RALYL: variants seen among roughly 807,000 people sequenced by gnomAD.
RALYL encodes the protein RNA-binding Raly-like protein.
In RALYL, 29 loss-of-function variants were observed where a neutral mutation model predicts 35.1. The observed-to-expected ratio is 0.83, with a 90% CI of 0.61 to 1.13. The LOEUF (loss-of-function observed/expected upper bound fraction) is 1.13. RALYL is among the 50% of genes most tolerant of loss of function. The pLI is 0.00. For synonymous variants in RALYL, 120 were observed against 127.6 expected, an observed-to-expected ratio of 0.94 and a Z score of 0.40; for missense variants, 359 against 360.4, an observed-to-expected ratio of 1.00 and a Z score of 0.03.
chr8:84,500,424 C>G (rs912876361), intron 1 of RALYL, among the ~76,000 whole-genome samples: 1 of 152,182 alleles, frequency 6.6e-6, no homozygotes, highest in East Asian at 1.9e-4. Context: ...CTATTTAAGA[C>G]CTTACGCAGT....
At chr8:84,212,872 A>C (rs1819836620) in intron 1 of RALYL, among the ~76,000 whole-genome samples, 1 of 152,154 alleles carries the variant, frequency 6.6e-6, no homozygotes. Flanking sequence ...AATTTTTAAG[A>C]AGATTTAGAT....
intron 2 of RALYL, among the ~76,000 whole-genome samples, chr8:84,697,047 G>A (rs1839285979): frequency 6.6e-6 from 1 of 151,888 alleles, no homozygotes; most frequent in South Asian, 2.1e-4. Flanking sequence ...TAACTAAATA[G>A]GAACAGGAAA....
intron 2 of RALYL, among the ~76,000 whole-genome samples, chr8:84,562,589 A>G (rs552073587): frequency 9.9e-5 from 15 of 151,922 alleles, no homozygotes; most frequent in Non-Finnish European, 1.9e-4. Flanking sequence ...AATGGAACAG[A>G]TGGGCATCCA....
chr8:84,443,681 C>A (rs533083751), intron 1 of RALYL, among the ~76,000 whole-genome samples: 1 of 152,074 alleles, frequency 6.6e-6, no homozygotes, highest in Non-Finnish European at 1.5e-5. Context: ...AAGCAGCTGG[C>A]CTAATTCTAT....
chr8:84,873,522 A>G (rs1260117196), intron 7 of RALYL, 125 bp downstream of exon 7: 2 of 492,864 alleles, frequency 4.1e-6, no homozygotes, highest in Non-Finnish European at 3.6e-6. Context: ...ATGTGCCAAC[A>G]ATGTCTTTAA....
rs1847045837 is a variant in RALYL, at chr8:84,332,622, TTAA to T, written c.-24+148204_-24+148206del. ...CATTTATATTTTGTGAAGACCATTA[TTAA>T]TAATATTTCCCCTTTTTTATGTGTA... On this transcript the variant is annotated intron_variant, in intron 1 of 8. Transcript: ENST00000521268. 5.3e-5 allele frequency among the ~76,000 whole-genome samples: 8 copies of T among 152,254 alleles called. No homozygotes were observed. The South Asian group carries it at 1.7e-3, about 32-fold the overall frequency.
At chr8:84,909,573 A>T (rs1847152902) in intron 8 of RALYL, among the ~76,000 whole-genome samples, 1 of 152,120 alleles carries the variant, frequency 6.6e-6, no homozygotes, top group Non-Finnish European at 1.5e-5. Context: ...AATAGGAGAG[A>T]GTGTATGACA....
intron 2 of RALYL, among the ~76,000 whole-genome samples, chr8:84,745,037 C>T (rs901271475): frequency 6.6e-6 from 1 of 151,160 alleles, no homozygotes; most frequent in Admixed American, 6.6e-5. Flanking sequence ...GCTGAACAGA[C>T]ACATGCAACA....
chr8:84,680,105 G>A (rs181923020), intron 2 of RALYL, among the ~76,000 whole-genome samples: 2 of 151,868 alleles, frequency 1.3e-5, no homozygotes, highest in South Asian at 4.2e-4. Flanking sequence ...GCGGTGTTTG[G>A]TTTTTTGTCC....
At chr8:84,794,431 C>G (rs1259213380) in intron 3 of RALYL, among the ~76,000 whole-genome samples, 1 of 152,182 alleles carries the variant, frequency 6.6e-6, no homozygotes, top group Non-Finnish European at 1.5e-5. Context: ...TAGCAAGCAA[C>G]TAAGACAATT....
rs1232799320 is a variant in RALYL at position 84,229,280 on chromosome 8, T to C, written c.-24+44856T>C. On this transcript the variant is annotated intron_variant, in intron 1 of 8. Transcript: ENST00000521268. ...AGTCTTCTGAGTCATAACAGATGCA[T>C]ACATAAATTTCTCTGAGTCTTCATA... is the stretch of plus-strand genomic sequence containing the variant. 2.0e-5 allele frequency among the ~76,000 whole-genome samples: 3 copies of C among 152,186 alleles called. No homozygotes were observed. In the East Asian group the frequency reaches 5.8e-4, roughly 29 times the overall value.
intron 1 of RALYL, among the ~76,000 whole-genome samples, chr8:84,363,288 C>T (rs546697446): frequency 1.4e-4 from 22 of 152,280 alleles, no homozygotes; most frequent in African/African-American, 5.3e-4. Flanking sequence ...AATCTGGTCT[C>T]TTCATCAGGG....
chr8:84,606,995 G>GGT (rs746207683), intron 2 of RALYL, among the ~76,000 whole-genome samples: 24 of 151,000 alleles, frequency 1.6e-4, no homozygotes, highest in African/African-American at 2.2e-4. Flanking sequence ...CTAGAAGTGG[G>GGT]GTGTGTGTGT....
chr8:84,632,390 G>T (rs1824107809), intron 2 of RALYL, among the ~76,000 whole-genome samples: 2 of 151,818 alleles, frequency 1.3e-5, no homozygotes, highest in South Asian at 2.1e-4. Context: ...CTAAATATTT[G>T]CTATGTTTAA....
At chr8:84,579,349 G>T (rs544497505) in intron 2 of RALYL, among the ~76,000 whole-genome samples, 3 of 152,150 alleles carry the variant, frequency 2.0e-5, no homozygotes, top group Non-Finnish European at 2.9e-5. Flanking sequence ...TGGGCAAGGG[G>T]CTTCCTGGAT....
At chr8:84,687,299 TC>T (rs1218148146) in intron 2 of RALYL, among the ~76,000 whole-genome samples, 5 of 152,166 alleles carry the variant, frequency 3.3e-5, no homozygotes, top group African/African-American at 1.2e-4. Flanking sequence ...TGAGTCTATT[TC>T]ATTTCATTTC....
chr8:84,197,662 C>T (rs1049844441), intron 1 of RALYL, among the ~76,000 whole-genome samples: 1 of 151,844 alleles, frequency 6.6e-6, no homozygotes, highest in African/African-American at 2.4e-5. Context: ...GGCGCGGTGG[C>T]TCACGCCTGT....
intron 1 of RALYL, among the ~76,000 whole-genome samples, chr8:84,226,447 C>T (rs1382270650): frequency 6.6e-6 from 1 of 152,108 alleles, no homozygotes; most frequent in Admixed American, 6.6e-5. Flanking sequence ...ACTCTTGTTG[C>T]CCAGGCTGGA....
chr8:84,573,737 G>A (rs1436609815), intron 2 of RALYL, among the ~76,000 whole-genome samples: 1 of 151,542 alleles, frequency 6.6e-6, no homozygotes, highest in Admixed American at 6.6e-5. Context: ...TCTTCACTTT[G>A]GATATTTGCT....
Sources: gnomAD v4.1 joint callset for allele counts (sites outside exome capture counted in the v4.1 genomes callset) on GRCh38, gnomAD v4.1.1 for gene constraint, MANE v1.5 for transcripts, NCBI Gene and HGNC (gene_info 2026-07-23, HGNC 2026-07-21) for gene names.